The following MCC variants were observed in gnomAD, a reference collection of about 807,000 sequenced individuals.
MCC encodes the protein colorectal mutant cancer protein.
Under a neutral mutation model 116.2 loss-of-function variants are expected in MCC, and 90 were observed. The ratio of observed to expected loss-of-function variants is 0.77; its 90% CI spans 0.65 to 0.92. The LOEUF is 0.92. Among genes scored for constraint, MCC ranks in the 40% least tolerant of loss-of-function variants. The pLI is 0.00. For synonymous variants in MCC, 578 were observed against 510.5 expected (o/e 1.13, Z -1.78); for missense variants, 1,516 against 1,312.2 (o/e 1.16, Z -2.40).
chr5:113,425,725 G>C (rs755699130), intron 1 of MCC, among the ~76,000 whole-genome samples: 1 of 152,040 alleles, frequency 6.6e-6, no homozygotes, highest in Non-Finnish European at 1.5e-5. Flanking sequence ...AGCTAAAAGC[G>C]TCATCAGTGT....
intron 3 of MCC, among the ~76,000 whole-genome samples, chr5:113,192,381 A>G (rs1762189591): frequency 6.6e-6 from 1 of 152,248 alleles, no homozygotes; most frequent in Non-Finnish European, 1.5e-5. Context: ...TTCTTTCACT[A>G]AGAAATTTTC....
At chr5:113,247,557 T>C (rs138730381) in intron 3 of MCC, among the ~76,000 whole-genome samples, 2 of 152,296 alleles carry the variant, frequency 1.3e-5, no homozygotes, top group Non-Finnish European at 2.9e-5. Flanking sequence ...AAGTGGTATA[T>C]ACAAGGCAGC....
chr5:113,108,935 T>C (rs1390767455), intron 6 of MCC, among the ~76,000 whole-genome samples: 3 of 152,172 alleles, frequency 2.0e-5, no homozygotes, highest in African/African-American at 4.8e-5. Context: ...TGACTGTCCA[T>C]TGCTATTTTT....
intron 8 of MCC, among the ~76,000 whole-genome samples, chr5:113,094,531 C>T (rs1321287727): frequency 1.3e-5 from 2 of 151,616 alleles, no homozygotes; most frequent in Admixed American, 6.6e-5. Flanking sequence ...AGCGATTTTC[C>T]TGCCTCAGCC....
chr5:113,264,479 G>A (rs1561493422), intron 3 of MCC, among the ~76,000 whole-genome samples: 1 of 152,126 alleles, frequency 6.6e-6, no homozygotes, highest in South Asian at 2.1e-4. Flanking sequence ...TGGGATTAAT[G>A]AAAAGGTTAA....
chr5:113,156,736 A>G (rs945674773), intron 3 of MCC, among the ~76,000 whole-genome samples: 3 of 152,190 alleles, frequency 2.0e-5, no homozygotes, highest in Non-Finnish European at 4.4e-5. Context: ...TCTGGAGATA[A>G]AAGGCCCTAA....
intron 12 of MCC, among the ~76,000 whole-genome samples, chr5:113,070,841 CA>C (rs1027547802): frequency 1.3e-5 from 2 of 151,842 alleles, no homozygotes; most frequent in African/African-American, 4.8e-5. Context: ...TGTAACATGC[CA>C]AAAAAATCGA....
intron 1 of MCC, among the ~76,000 whole-genome samples, 185 bp downstream of exon 1, chr5:113,488,060 G>T (rs1772592971): frequency 1.3e-5 from 2 of 152,098 alleles, no homozygotes; most frequent in Admixed American, 6.5e-5. Flanking sequence ...CCCGCAAGGC[G>T]AACAGAGCAG....
At chr5:113,110,029 G>A (rs1756996677) in intron 6 of MCC, among the ~76,000 whole-genome samples, 2 of 151,822 alleles carry the variant, frequency 1.3e-5, no homozygotes, top group African/African-American at 4.8e-5. Flanking sequence ...ACATTGCCCA[G>A]GCTAGGAACG....
intron 3 of MCC, among the ~76,000 whole-genome samples, chr5:113,285,903 A>G (rs1301637124): frequency 6.6e-6 from 1 of 152,238 alleles, no homozygotes; most frequent in East Asian, 1.9e-4. Flanking sequence ...CGGTTACAAG[A>G]TAATAAATTA....
chr5:113,474,455 A>G (rs888490996), intron 1 of MCC, among the ~76,000 whole-genome samples: 21 of 152,210 alleles, frequency 1.4e-4, no homozygotes, highest in African/African-American at 4.1e-4. Context: ...CGCTGCAGTG[A>G]AAGAGGAATG....
At chr5:113,389,305 C>A (rs927573453) in intron 1 of MCC, among the ~76,000 whole-genome samples, 23 of 152,286 alleles carry the variant, frequency 1.5e-4, no homozygotes, top group Middle Eastern at 3.4e-3. Context: ...TTTGCCATTC[C>A]TCCCATCAAT....
At chr5:113,180,260 CCT>C (rs1284068826) in intron 3 of MCC, among the ~76,000 whole-genome samples, 8 of 152,092 alleles carry the variant, frequency 5.3e-5, no homozygotes, top group Non-Finnish European at 1.0e-4. Flanking sequence ...TCAATTCCAC[CCT>C]GTCTCCCGTG....
chr5:113,218,273 A>G (rs1450179340), intron 3 of MCC, among the ~76,000 whole-genome samples: 3 of 152,134 alleles, frequency 2.0e-5, no homozygotes, highest in Admixed American at 6.5e-5. Context: ...CTGGCCTTCA[A>G]TAGTTTTATT....
intron 1 of MCC, among the ~76,000 whole-genome samples, chr5:113,406,468 G>A (rs139915331): frequency 2.0e-5 from 3 of 152,258 alleles, no homozygotes; most frequent in South Asian, 2.1e-4. Flanking sequence ...ACTCCTGCCC[G>A]TATAAACGTA....
chr5:113,132,443 T>TATACACAC (rs1258191415), intron 5 of MCC, among the ~76,000 whole-genome samples: 4 of 36,578 alleles, frequency 1.1e-4, no homozygotes, highest in African/African-American at 1.9e-4. Context: ...TATATATATA[T>TATACACAC]ACACACACAC....
rs1285106388 is a variant in MCC, at chr5:113,026,631, C to T, written c.*671G>A. On this transcript the variant is annotated 3_prime_UTR_variant, in exon 19 of 19. Coordinates refer to ENST00000408903, the MANE Select transcript of MCC (RefSeq NM_001085377.2). ...AGATTGAAGGAAGTTTTTATTCTCT[C>T]AATACAAAATTGTTCAGGCACAGTC... 1.3e-5 allele frequency: 2 copies of T among 152,188 alleles called. No homozygotes were observed. Among genetic ancestry groups the T allele is most frequent in the East Asian group, 3.9e-4 (2 of 5,188 alleles). 9.4% of individuals were successfully genotyped at this position (152,188 alleles called of 1,614,324 possible). A position where few individuals can be genotyped will look rare whatever the true frequency, so the allele number is the denominator to read the frequency against.
At chr5:113,476,642 C>G (rs572609369) in intron 1 of MCC, among the ~76,000 whole-genome samples, 1 of 152,054 alleles carries the variant, frequency 6.6e-6, no homozygotes, top group African/African-American at 2.4e-5. Flanking sequence ...GACTTTTTAG[C>G]GACAATATCA....
chr5:113,373,600 A>C (rs967459958), intron 2 of MCC, among the ~76,000 whole-genome samples: 3 of 152,170 alleles, frequency 2.0e-5, no homozygotes, highest in Non-Finnish European at 4.4e-5. Flanking sequence ...TCCCTTGTTC[A>C]GAAGAACTCT....
Sources: gnomAD v4.1 joint callset for allele counts (sites outside exome capture counted in the v4.1 genomes callset) on GRCh38, gnomAD v4.1.1 for gene constraint, MANE v1.5 for transcripts, NCBI Gene and HGNC (gene_info 2026-07-23, HGNC 2026-07-21) for gene names.